CFAP44: variants seen among roughly 807,000 people sequenced by gnomAD.
CFAP44 encodes the protein cilia and flagella associated protein 44.
Under a neutral mutation model 216.2 loss-of-function variants are expected in CFAP44, and 134 were observed. The ratio of observed to expected loss-of-function variants is 0.62; its 90% CI spans 0.54 to 0.72. CFAP44 has a LOEUF of 0.72. Among genes scored for constraint, CFAP44 ranks in the 30% least tolerant of loss-of-function variants. The pLI is 0.00. For synonymous variants in CFAP44, 700 were observed against 727.6 expected, an observed-to-expected ratio of 0.96 and a Z score of 0.61; for missense variants, 2,035 against 2,182.1, an observed-to-expected ratio of 0.93 and a Z score of 1.34.
chr3:113,322,455 T>C (rs1010678193), intron 28 of CFAP44, among the ~76,000 whole-genome samples: 7 of 152,070 alleles, frequency 4.6e-5, no homozygotes, highest in African/African-American at 1.7e-4. Context: ...CTCAAAAGAT[T>C]ACCTACAAGC....
At chr3:113,408,055 G>C (rs1017396107) in intron 7 of CFAP44, among the ~76,000 whole-genome samples, 14 of 152,128 alleles carry the variant, frequency 9.2e-5, no homozygotes, top group Non-Finnish European at 2.1e-4. Context: ...ATTCCCCAAA[G>C]ATTACAATTA....
rs1950029024 is a variant in CFAP44 at position 113,310,668 on chromosome 3, C to A, written c.4517-2400G>T. Among the ~76,000 whole-genome samples the A allele has an allele frequency of 2.0e-5, 3 of 152,152 alleles. No individual in the cohort carries two copies. In the South Asian group the frequency reaches 6.2e-4, roughly 32 times the overall value. On this transcript the variant is annotated intron_variant, in intron 28 of 34. Transcript: ENST00000393845. Reference sequence around the variant, plus strand: ...ACCAAATCTCATGTTGAACTGTAATCCCCAGTGTTGGAGGAGGGGCCTGTT... The same window carrying A: ...ACCAAATCTCATGTTGAACTGTAATACCCAGTGTTGGAGGAGGGGCCTGTT...
At chr3:113,322,231 T>A (rs919070983) in intron 28 of CFAP44, among the ~76,000 whole-genome samples, 4 of 152,204 alleles carry the variant, frequency 2.6e-5, no homozygotes, top group African/African-American at 9.7e-5. Flanking sequence ...CCTACAACCA[T>A]CTTATCTTCA....
chr3:113,393,110 T>A (rs1415905365), intron 15 of CFAP44, among the ~76,000 whole-genome samples: 1 of 152,218 alleles, frequency 6.6e-6, no homozygotes, highest in Non-Finnish European at 1.5e-5. Flanking sequence ...TAATACGTTA[T>A]GCTCAGATAT....
At chr3:113,428,557 G>A (rs774351742) in intron 2 of CFAP44, among the ~76,000 whole-genome samples, 1 of 152,194 alleles carries the variant, frequency 6.6e-6, no homozygotes, top group Admixed American at 6.5e-5. Context: ...AAGACTTATG[G>A]TTTGAAGAAT....
At chr3:113,439,562 T>C (rs957549775) in intron 1 of CFAP44, among the ~76,000 whole-genome samples, 1 of 152,170 alleles carries the variant, frequency 6.6e-6, no homozygotes, top group Non-Finnish European at 1.5e-5. Context: ...AATACACATA[T>C]AGTTTACCAT....
chr3:113,355,128 C>T (rs1348452383), intron 22 of CFAP44, among the ~76,000 whole-genome samples: 5 of 152,092 alleles, frequency 3.3e-5, no homozygotes, highest in Non-Finnish European at 7.4e-5. Flanking sequence ...GAGTACACTG[C>T]TCAGGTGATG....
intron 28 of CFAP44, among the ~76,000 whole-genome samples, chr3:113,315,692 C>T: frequency 6.6e-6 from 1 of 152,168 alleles, no homozygotes; most frequent in Non-Finnish European, 1.5e-5. Flanking sequence ...GGTGTGAAAG[C>T]AATATGCATT....
chr3:113,307,894 A>G (rs999295508), intron 29 of CFAP44, among the ~76,000 whole-genome samples: 1 of 152,152 alleles, frequency 6.6e-6, no homozygotes, highest in Non-Finnish European at 1.5e-5. Flanking sequence ...GCAGGAGAAT[A>G]GCTTGAACCC....
Position 113,290,030 on chromosome 3 carries a change from C to T in CFAP44, c.*1527G>A, listed in dbSNP as rs1949814136. 1 of 152,270 alleles carries T rather than the reference C, an allele frequency of 6.6e-6. No homozygotes were observed. The highest frequency in any genetic ancestry group is 2.4e-5 in the African/African-American group (1 of 41,474). The allele number at this position is 152,270 out of a possible 1,614,324, so 9.4% of individuals were successfully genotyped here. On this transcript the variant is annotated 3_prime_UTR_variant, in exon 35 of 35. Transcript: ENST00000393845. Reference sequence around the variant, plus strand: ...CCCAGATTCCTGGACCTCAGAAACCCTCTCACTCCTGGGTGAGATCACAAG... The same window carrying T: ...CCCAGATTCCTGGACCTCAGAAACCTTCTCACTCCTGGGTGAGATCACAAG...
chr3:113,437,468 C>A (rs1457503522), intron 1 of CFAP44, among the ~76,000 whole-genome samples: 1 of 152,206 alleles, frequency 6.6e-6, no homozygotes, highest in Non-Finnish European at 1.5e-5. Context: ...GACGAAAGCA[C>A]CACACTTTAT....
At chr3:113,418,835 G>T (rs1204736193) in intron 5 of CFAP44, among the ~76,000 whole-genome samples, 1 of 151,966 alleles carries the variant, frequency 6.6e-6, no homozygotes, top group Non-Finnish European at 1.5e-5. Context: ...CTCCTGAGTA[G>T]CCGGGATTAC....
intron 29 of CFAP44, among the ~76,000 whole-genome samples, 164 bp from the exon 30 acceptor site, chr3:113,306,495 A>G (rs1289604567): frequency 2.0e-5 from 3 of 152,250 alleles, no homozygotes; most frequent in Non-Finnish European, 4.4e-5. Context: ...TGAAATTATT[A>G]GTATTACTAA....
At chr3:113,426,421 C>A in intron 3 of CFAP44, 144 bp from the exon 4 acceptor site, 1 of 804,308 alleles carries the variant, frequency 1.2e-6, no homozygotes, top group Non-Finnish European at 1.9e-6. Flanking sequence ...GGGCTGTTAC[C>A]TCCATGCTGT....
intron 25 of CFAP44, among the ~76,000 whole-genome samples, chr3:113,332,777 G>A (rs16860850): frequency 0.19 from 28,217 of 152,042 alleles, 3,173 homozygotes; most frequent in East Asian, 0.41. Context: ...GCATTGAGTT[G>A]CCTAGAAAAG....
Position 113,379,504 on chromosome 3 carries a change from C to A in CFAP44, c.2100G>T (p.Glu700Asp). The A allele has an allele frequency of 6.2e-7, 1 of 1,604,036 alleles. No homozygotes were observed. Among genetic ancestry groups the A allele is most frequent in the South Asian group, 1.1e-5 (1 of 90,666 alleles). The part of the protein sequence containing the change: ...EKRERQRELK[E>D]KIREERRNKL... ...TGTTCCTCCTTTCTTCCCTTATTTT[C>A]TCCTTCAACTCCCTTTGTCTCTCCC... The change falls in exon 17 of 35, where the codon GAG (glutamate) becomes GAT (aspartate). Residue 700 changes from glutamate to aspartate, a missense_variant. Physicochemically the swap from Glu to Asp is conservative, Grantham distance 45. Around this residue, in one of 3 missense-constraint regions of CFAP44, gnomAD observed 1,883 missense variants for 2,023.7 expected, o/e 0.93. Transcript: ENST00000393845.
chr3:113,409,382 T>C (rs1334007530), intron 6 of CFAP44, 60 bp from the exon 7 acceptor site: 4 of 1,501,166 alleles, frequency 2.7e-6, no homozygotes, highest in African/African-American at 1.4e-5. Flanking sequence ...TTCAAAAACA[T>C]ATTGTAAAAA....
At chr3:113,355,953 C>T (rs1235624453) in intron 22 of CFAP44, among the ~76,000 whole-genome samples, 1 of 151,272 alleles carries the variant, frequency 6.6e-6, no homozygotes, top group African/African-American at 2.4e-5. Context: ...ATATAACTAG[C>T]AGACAAGGAC....
Position 113,294,686 on chromosome 3 carries a change from C to T in CFAP44, c.5373+1G>A. On this transcript the variant is annotated splice_donor_variant, in intron 34 of 34. Transcript: ENST00000393845. LOFTEE classifies it high-confidence loss of function. Reference sequence around the variant, plus strand: ...AAAGGGTCTGAAGGTAAAGAACATACCTGCTGATTCTGTAGTGTATTCAAC... The same window carrying T: ...AAAGGGTCTGAAGGTAAAGAACATATCTGCTGATTCTGTAGTGTATTCAAC... 1 of 1,524,154 alleles carries T rather than the reference C, an allele frequency of 6.6e-7. No homozygotes were observed. Among genetic ancestry groups the T allele is most frequent in the Non-Finnish European group, 8.7e-7 (1 of 1,143,086 alleles). The allele number at this position is 1,524,154 out of a possible 1,614,324, so 94.4% of individuals were successfully genotyped here.
Sources: gnomAD v4.1 joint callset for allele counts (sites outside exome capture counted in the v4.1 genomes callset) on GRCh38, gnomAD v4.1.1 for gene constraint, gnomAD v4.1.1 regional missense constraint, MANE v1.5 for transcripts, NCBI Gene and HGNC (gene_info 2026-07-23, HGNC 2026-07-21) for gene names.